The following TSPAN11 variants were observed in gnomAD, a reference collection of about 807,000 sequenced individuals.
TSPAN11 encodes tetraspanin-11.
TSPAN11 carries 29 observed loss-of-function variants against 32.9 expected under a neutral mutation model. The ratio of observed to expected loss-of-function variants is 0.88; its 90% CI spans 0.66 to 1.20. The LOEUF (loss-of-function observed/expected upper bound fraction) is 1.20, where lower values mean the gene tolerates loss of function less well. Ranked by LOEUF, TSPAN11 falls within the 50% of genes most tolerant of loss-of-function variation. The probability of loss-of-function intolerance (pLI) is 0.00; values close to 1 mark genes in which losing one functional copy is unlikely to be tolerated. For missense variants in TSPAN11, 283 were observed against 329.1 expected (o/e 0.86, Z 1.08); for synonymous variants, 140 against 141.3 (o/e 0.99, Z 0.07).
At chr12:30,930,069 G>A (rs1455208574) in intron 1 of TSPAN11, among the ~76,000 whole-genome samples, 2 of 152,170 alleles carry the variant, frequency 1.3e-5, no homozygotes, top group Non-Finnish European at 2.9e-5. Context: ...TGGACCCTCT[G>A]TTCATTCCAT....
At chr12:30,964,730 T>C (rs1938693094) in intron 3 of TSPAN11, among the ~76,000 whole-genome samples, 1 of 152,220 alleles carries the variant, frequency 6.6e-6, no homozygotes, top group South Asian at 2.1e-4. Context: ...ATTATCACAC[T>C]TTAAAACAAT....
the TSPAN11 span, among the ~76,000 whole-genome samples, chr12:31,003,564 G>A: frequency 1.3e-5 from 2 of 152,198 alleles, no homozygotes; most frequent in African/African-American, 4.8e-5. Context: ...CTGGACTGTT[G>A]CTGTTGATAT....
chr12:30,942,000 A>G (rs538523560), intron 1 of TSPAN11, among the ~76,000 whole-genome samples: 2 of 152,202 alleles, frequency 1.3e-5, no homozygotes, highest in Non-Finnish European at 2.9e-5. Flanking sequence ...TAGATTTTTC[A>G]TGGCCACTTG....
chr12:30,961,965 C>A (rs1202184660), intron 2 of TSPAN11, among the ~76,000 whole-genome samples: 2 of 152,026 alleles, frequency 1.3e-5, no homozygotes, highest in Non-Finnish European at 2.9e-5. Context: ...CCGCAGATAA[C>A]CTATACCCAC....
At chr12:30,949,262 C>T (rs562676154) in intron 1 of TSPAN11, among the ~76,000 whole-genome samples, 11 of 152,320 alleles carry the variant, frequency 7.2e-5, no homozygotes, top group Non-Finnish European at 1.6e-4. Flanking sequence ...AAGTTGCTTT[C>T]ACATTTTCTG....
chr12:30,974,127 T>G (rs919013627), intron 3 of TSPAN11, among the ~76,000 whole-genome samples: 3 of 152,272 alleles, frequency 2.0e-5, no homozygotes, highest in African/African-American at 7.2e-5. Context: ...GGTACAGTGC[T>G]GCACATGCTT....
chr12:30,981,047 G>A (rs548058012), intron 5 of TSPAN11, among the ~76,000 whole-genome samples: 1 of 152,340 alleles, frequency 6.6e-6, no homozygotes, highest in South Asian at 2.1e-4. Context: ...GGCGGGGTTT[G>A]CTTAAGTGAA....
At chr12:30,979,493 G>T in intron 4 of TSPAN11, 73 bp from the exon 5 acceptor site, 2 of 1,394,204 alleles carry the variant, frequency 1.4e-6, no homozygotes, top group Non-Finnish European at 2.0e-6. Context: ...GGGGGGAGTT[G>T]GAAGTGGGCC....
At chr12:30,952,199 GC>G (rs1449253949) in intron 1 of TSPAN11, among the ~76,000 whole-genome samples, 1 of 152,186 alleles carries the variant, frequency 6.6e-6, no homozygotes, top group African/African-American at 2.4e-5. Flanking sequence ...CAGTGGCCCT[GC>G]CTGGGAGGGG....
At chr12:30,936,225 C>T (rs889497344) in intron 1 of TSPAN11, among the ~76,000 whole-genome samples, 6 of 149,028 alleles carry the variant, frequency 4.0e-5, no homozygotes, top group Non-Finnish European at 8.8e-5. Flanking sequence ...GCCCACAGCT[C>T]CCTCTTCAGT....
At chr12:30,961,736 T>C (rs1938617374) in intron 2 of TSPAN11, among the ~76,000 whole-genome samples, 1 of 151,988 alleles carries the variant, frequency 6.6e-6, no homozygotes, top group South Asian at 2.1e-4. Flanking sequence ...AACTCCCTGA[T>C]TTAAGAGATG....
At chr12:31,000,216 G>A (rs1208918704), downstream of TSPAN11, among the ~76,000 whole-genome samples, 1 of 152,186 alleles carries the variant, frequency 6.6e-6, no homozygotes, top group Non-Finnish European at 1.5e-5. Flanking sequence ...GAGTGCTGCT[G>A]CTGAGCTAAC....
At chr12:31,005,426 C>T in the TSPAN11 span, among the ~76,000 whole-genome samples, 5 of 152,298 alleles carry the variant, frequency 3.3e-5, no homozygotes, top group African/African-American at 1.2e-4. Context: ...GCTGCCTACC[C>T]CATGGGGGGA....
intron 1 of TSPAN11, among the ~76,000 whole-genome samples, chr12:30,951,228 C>T (rs1938375389): frequency 6.6e-6 from 1 of 152,194 alleles, no homozygotes; most frequent in Non-Finnish European, 1.5e-5. Context: ...GCCTATACCA[C>T]TTCTTATATA....
intron 1 of TSPAN11, among the ~76,000 whole-genome samples, chr12:30,927,325 A>G (rs949855362): frequency 1.6e-4 from 24 of 152,062 alleles, no homozygotes; most frequent in African/African-American, 5.8e-4. Context: ...AGGCCCTGTC[A>G]CCTGTGTTTT....
At chr12:30,999,525 T>A (rs996889009), downstream of TSPAN11, among the ~76,000 whole-genome samples, 2 of 150,974 alleles carry the variant, frequency 1.3e-5, no homozygotes, top group African/African-American at 4.8e-5. Flanking sequence ...AAGCCTATTT[T>A]ATAACAAAGT....
At chr12:30,935,695 T>C (rs961760895) in intron 1 of TSPAN11, among the ~76,000 whole-genome samples, 1 of 152,184 alleles carries the variant, frequency 6.6e-6, no homozygotes, top group African/African-American at 2.4e-5. Flanking sequence ...TTGTGACCCA[T>C]TGTGTGAAAA....
chr12:30,959,716 G>A (rs1448623245), intron 2 of TSPAN11, among the ~76,000 whole-genome samples: 1 of 149,598 alleles, frequency 6.7e-6, no homozygotes, highest in Non-Finnish European at 1.5e-5. Flanking sequence ...GGAGGCGGAG[G>A]TTGCAGTGAG....
the TSPAN11 span, chr12:31,015,348 C>A: frequency 6.6e-6 from 1 of 152,392 alleles, no homozygotes; most frequent in African/African-American, 2.4e-5. The surrounding 1 kb of genome is among the most constrained non-coding windows in gnomAD (Gnocchi z 4.9). Flanking sequence ...CCACACCCCG[C>A]TCCAGCGCCT....
Sources: allele counts gnomAD v4.1 joint callset (sites outside exome capture counted in the v4.1 genomes callset), GRCh38; gene constraint gnomAD v4.1.1; non-coding constraint Gnocchi (gnomAD v3.1); transcripts MANE v1.5; gene names NCBI Gene and HGNC (gene_info 2026-07-23, HGNC 2026-07-21).